Variants in LRP5 observed in about 807,000 individuals in gnomAD.
LRP5 encodes low-density lipoprotein receptor-related protein 5.
A neutral mutation model predicts 154.1 loss-of-function variants in LRP5; 62 were observed. That is an observed-to-expected ratio of 0.40 (90% CI 0.33 to 0.50). The LOEUF is 0.50. Among genes scored for constraint, LRP5 ranks in the 20% least tolerant of loss-of-function variants. The pLI, the probability that LRP5 is intolerant of heterozygous loss-of-function variation, is 0.55. For missense variants in LRP5, 1,915 were observed against 2,336.7 expected, an observed-to-expected ratio of 0.82 and a Z score of 3.72; for synonymous variants, 966 against 1,011.5, an observed-to-expected ratio of 0.96 and a Z score of 0.85.
chr11:68,342,424 G>A (rs989454761), intron 1 of LRP5, among the ~76,000 whole-genome samples: 13 of 152,174 alleles, frequency 8.5e-5, no homozygotes, highest in South Asian at 2.1e-4. Flanking sequence ...GGCCCTGGTA[G>A]GGAGGAGGGG....
intron 1 of LRP5, 62 bp from the exon 2 acceptor site, chr11:68,347,785 C>CCCAGG: frequency 1.9e-6 from 3 of 1,591,734 alleles, no homozygotes; most frequent in Non-Finnish European, 2.6e-6. Flanking sequence ...AGTGCTCCAT[C>CCCAGG]CCAGGGCTGT....
chr11:68,374,063 C>A (rs1213348752), intron 5 of LRP5, among the ~76,000 whole-genome samples: 1 of 151,790 alleles, frequency 6.6e-6, no homozygotes, highest in Non-Finnish European at 1.5e-5. Flanking sequence ...GGCCACAGCT[C>A]ACCCAGACAG....
chr11:68,340,017 G>T (rs2098608003), intron 1 of LRP5, among the ~76,000 whole-genome samples: 1 of 152,104 alleles, frequency 6.6e-6, no homozygotes, highest in Non-Finnish European at 1.5e-5. Context: ...AAGGCGGGCG[G>T]ATCACCTGAG....
rs748439020 is a variant in LRP5 at position 68,413,723 on chromosome 11, G to T, written c.2538G>T (p.Pro846=). The change falls in exon 12 of 23, where the codon CCG becomes CCT. Residue 846 remains proline, a synonymous_variant. Coordinates refer to ENST00000294304, the MANE Select transcript of LRP5 (RefSeq NM_002335.4). This position sits in a 1 kb window ranked among gnomAD's most constrained non-coding sequence, Gnocchi z 5.1. The part of the protein sequence containing the change: ...QERVVIADDL[P]HPFGLTQYSD... ...GGGTCGTGATTGCCGACGATCTCCC[G>T]CACCCGTTCGGTCTGACGCAGTACA... is the stretch of plus-strand genomic sequence containing the variant. The T allele has an allele frequency of 6.2e-7, 1 of 1,613,670 alleles. No individual in the cohort carries two copies. The highest frequency in any genetic ancestry group is 1.1e-5 in the South Asian group (1 of 91,058).
At chr11:68,396,893 G>T (rs933675734) in intron 7 of LRP5, among the ~76,000 whole-genome samples, 2 of 152,180 alleles carry the variant, frequency 1.3e-5, no homozygotes, top group African/African-American at 4.8e-5. Flanking sequence ...GCCCCACCAC[G>T]TGTGAAGCCC....
chr11:68,443,564 TATATATATATATATA>T (rs2098679538), intron 21 of LRP5, among the ~76,000 whole-genome samples: 6 of 36,428 alleles, frequency 1.6e-4, no homozygotes, highest in Admixed American at 3.1e-4. Context: ...TATATATATA[TATATATATATATATA>T]TATATATTTT....
chr11:68,307,043 G>A, the LRP5 span, among the ~76,000 whole-genome samples: 9 of 152,186 alleles, frequency 5.9e-5, no homozygotes, highest in African/African-American at 1.2e-4. Context: ...TTAGCCGGGT[G>A]TGGTGGCGCA....
intron 1 of LRP5, among the ~76,000 whole-genome samples, chr11:68,344,114 G>A (rs1252957469): frequency 6.6e-6 from 1 of 152,138 alleles, no homozygotes; most frequent in East Asian, 1.9e-4. Context: ...CTGGGTAGGG[G>A]TGGAGCCTGG....
In LRP5 at chr11:68,433,754, G is replaced by A. The variant is rs748395267; in HGVS notation, c.3916G>A (p.Ala1306Thr). 58 of 1,612,630 alleles carry A rather than the reference G, an allele frequency of 3.6e-5. No homozygotes were observed. Among genetic ancestry groups the A allele is most frequent in the Middle Eastern group, 3.3e-4 (2 of 6,080 alleles). ...PVCSAAQFPCARGQCVDLRLR... is the reference protein window; with the variant it reads ...PVCSAAQFPCTRGQCVDLRLR... ...GTGCTCCGCCGCCCAGTTCCCCTGCGCGCGGGGTCAGTGTGTGGACCTGCG... is the reference window on the plus strand; with the variant it reads ...GTGCTCCGCCGCCCAGTTCCCCTGCACGCGGGGTCAGTGTGTGGACCTGCG... Residue 1306 changes from alanine to threonine, a missense_variant, in exon 18 of 23, where the codon GCG becomes ACG. Coordinates refer to ENST00000294304, the MANE Select transcript of LRP5 (RefSeq NM_002335.4).
At chr11:68,406,851 T>C (rs1414394760) in intron 9 of LRP5, 38 bp downstream of exon 9, 1 of 1,606,492 alleles carries the variant, frequency 6.2e-7, no homozygotes, top group Non-Finnish European at 8.5e-7. Flanking sequence ...GCAGCCTTTA[T>C]GGGAAAACCT....
At position 68,413,999 on chromosome 11, in the gene LRP5, C is replaced by T. The variant is rs376937882; in HGVS notation, c.2814C>T (p.Ser938=). The T allele has an allele frequency of 1.4e-4, 219 of 1,603,940 alleles. No homozygotes were observed. The highest frequency in any genetic ancestry group is 1.8e-4 in the Non-Finnish European group (215 of 1,179,800). The change falls in exon 12 of 23, where the codon AGC becomes AGT. Residue 938 remains serine, a synonymous_variant. Coordinates refer to ENST00000294304, the MANE Select transcript of LRP5 (RefSeq NM_002335.4). The surrounding 1 kb of genome is among the most constrained non-coding windows in gnomAD (Gnocchi z 5.1). ...CASHYTLDPS[S]RNCSPPTTFL... ...CACACTACACCCTGGACCCCAGCAGCCGCAACTGCAGCCGTAAGTGCCTCA... is the reference window on the plus strand; with the variant it reads ...CACACTACACCCTGGACCCCAGCAGTCGCAACTGCAGCCGTAAGTGCCTCA...
At position 68,411,480 on chromosome 11, in the gene LRP5, G is replaced by A. The variant is rs771972596; in HGVS notation, c.2363G>A (p.Arg788Gln). 2.9e-5 allele frequency: 46 copies of A among 1,613,194 alleles called. No individual in the cohort carries two copies. The Admixed American group carries it at 4.0e-4, about 14-fold the overall frequency. The stretch of plus-strand genomic sequence containing the variant: ...TGGGGCGGCAAGCCGAGGATCGTGC[G>A]GGCCTTCATGGACGGGACCAACTGC... The part of the protein sequence containing the change: ...TEWGGKPRIV[R>Q]AFMDGTNCMT... The change falls in exon 11 of 23, where the codon CGG becomes CAG. Residue 788 changes from arginine (R) to glutamine (Q), a missense_variant. Physicochemically the swap from Arg to Gln is conservative, Grantham distance 43. Transcript: ENST00000294304.
At chr11:68,354,364 G>A (rs2098621312) in intron 2 of LRP5, among the ~76,000 whole-genome samples, 1 of 152,242 alleles carries the variant, frequency 6.6e-6, no homozygotes, top group African/African-American at 2.4e-5. Flanking sequence ...CTCGGGGAAG[G>A]AATGTGAATT....
chr11:68,434,572 G>T (rs1467439411), intron 18 of LRP5, among the ~76,000 whole-genome samples: 1 of 152,130 alleles, frequency 6.6e-6, no homozygotes, highest in Non-Finnish European at 1.5e-5. Context: ...TAGAGACAGG[G>T]TTTCACCATG....
At chr11:68,341,465 G>A (rs1005335822) in intron 1 of LRP5, among the ~76,000 whole-genome samples, 2 of 152,042 alleles carry the variant, frequency 1.3e-5, no homozygotes, top group African/African-American at 4.8e-5. Context: ...AAATTACGCT[G>A]CCCAGAGGTC....
intron 1 of LRP5, among the ~76,000 whole-genome samples, chr11:68,319,388 A>C (rs2098595425): frequency 6.6e-6 from 1 of 151,586 alleles, no homozygotes; most frequent in Non-Finnish European, 1.5e-5. Flanking sequence ...ATTTTTTAAA[A>C]TTTGTCGTTG....
intron 1 of LRP5, among the ~76,000 whole-genome samples, chr11:68,318,742 C>G (rs2098594963): frequency 6.6e-6 from 1 of 152,180 alleles, no homozygotes; most frequent in Non-Finnish European, 1.5e-5. Flanking sequence ...AAGGATATGA[C>G]AACGGCTCCT....
chr11:68,444,973 G>T (rs951956573), intron 21 of LRP5, among the ~76,000 whole-genome samples: 2 of 152,122 alleles, frequency 1.3e-5, no homozygotes, highest in African/African-American at 2.4e-5. Context: ...AGGGCCCAGT[G>T]CGGCTTCCTA....
chr11:68,349,863 C>T (rs902118317), intron 2 of LRP5, among the ~76,000 whole-genome samples: 4 of 152,156 alleles, frequency 2.6e-5, no homozygotes, highest in African/African-American at 9.7e-5. Flanking sequence ...CACACCCTTA[C>T]CTGGGCTGTG....
Sources: allele counts gnomAD v4.1 joint callset (sites outside exome capture counted in the v4.1 genomes callset), GRCh38; gene constraint gnomAD v4.1.1; non-coding constraint Gnocchi (gnomAD v3.1); transcripts MANE v1.5; gene names NCBI Gene and HGNC (gene_info 2026-07-23, HGNC 2026-07-21).